The following JPH3 variants were observed in gnomAD, a reference collection of about 807,000 sequenced individuals.
JPH3 encodes junctophilin 3.
Under a neutral mutation model 59.6 loss-of-function variants are expected in JPH3, and 11 were observed. The ratio of observed to expected loss-of-function variants is 0.18; its 90% CI spans 0.12 to 0.31. JPH3 has a LOEUF of 0.31. JPH3 is among the 10% of genes least tolerant of loss of function. JPH3 has a pLI of 1.00. For missense variants in JPH3, 1,202 were observed against 1,105.7 expected (o/e 1.09, Z -1.24); for synonymous variants, 673 against 483.6 (o/e 1.39, Z -5.14).
At chr16:87,695,774 G>A (rs1023944943) in intron 4 of JPH3, 3 of 455,972 alleles carry the variant, frequency 6.6e-6, no homozygotes, top group Non-Finnish European at 1.3e-5. Flanking sequence ...AGGACTGCAA[G>A]AATCACTGCA....
chr16:87,625,602 C>T (rs1005307847), intron 1 of JPH3, among the ~76,000 whole-genome samples: 1 of 152,182 alleles, frequency 6.6e-6, no homozygotes, highest in African/African-American at 2.4e-5. Flanking sequence ...CCACCTGTTG[C>T]CCTATGTCTC....
rs1467601090 is a variant in JPH3, at chr16:87,611,747, G to T, written c.382+8219G>T. Among the ~76,000 whole-genome samples the T allele has an allele frequency of 1.3e-5, 2 of 152,194 alleles. No individual in the cohort carries two copies. Among genetic ancestry groups the T allele is most frequent in the Non-Finnish European group, 2.9e-5 (2 of 68,038 alleles). ...GCCCCACCCCTGAGTCTCTGGGCCT[G>T]GGATGCCACCCAAGAATTTATATTT... On this transcript the variant is annotated intron_variant, in intron 1 of 4. Transcript: ENST00000284262. This position sits in a 1 kb window ranked among gnomAD's most constrained non-coding sequence, Gnocchi z 4.5.
intron 1 of JPH3, among the ~76,000 whole-genome samples, chr16:87,632,628 C>T (rs1157028410): frequency 6.6e-6 from 1 of 152,198 alleles, no homozygotes; most frequent in Non-Finnish European, 1.5e-5. Flanking sequence ...TGCAGCGACT[C>T]ACGCCTCTAA....
intron 1 of JPH3, among the ~76,000 whole-genome samples, chr16:87,642,661 G>A (rs1003753440): frequency 9.9e-5 from 15 of 152,218 alleles, no homozygotes; most frequent in African/African-American, 3.1e-4. Context: ...GTTAGTGCCC[G>A]GCTGCAGGGA....
At chr16:87,632,032 A>C (rs1246596014) in intron 1 of JPH3, among the ~76,000 whole-genome samples, 1 of 151,974 alleles carries the variant, frequency 6.6e-6, no homozygotes, top group Non-Finnish European at 1.5e-5. Flanking sequence ...GTCCCTGCCA[A>C]GGCTTCTCCT....
At chr16:87,650,915 C>T (rs371607029) in intron 2 of JPH3, among the ~76,000 whole-genome samples, 1 of 152,206 alleles carries the variant, frequency 6.6e-6, no homozygotes, top group Non-Finnish European at 1.5e-5. Flanking sequence ...GGTGGCTACA[C>T]TAAACAGATT....
chr16:87,625,772 G>T (rs889722351), intron 1 of JPH3, among the ~76,000 whole-genome samples: 5 of 152,340 alleles, frequency 3.3e-5, no homozygotes, highest in African/African-American at 1.2e-4. Flanking sequence ...AGGAGACCCG[G>T]GGTTTACTGC....
chr16:87,693,235 G>A (rs914578096), intron 4 of JPH3, among the ~76,000 whole-genome samples: 1 of 152,188 alleles, frequency 6.6e-6, no homozygotes, highest in Non-Finnish European at 1.5e-5. Flanking sequence ...GAGGGTGTGG[G>A]CCTGGTGCTG....
chr16:87,663,098 T>G (rs1386966927), intron 2 of JPH3, among the ~76,000 whole-genome samples: 1 of 150,458 alleles, frequency 6.6e-6, no homozygotes, highest in Non-Finnish European at 1.5e-5. Context: ...TTGTATTGTT[T>G]CAAGGTTAAT....
At chr16:87,656,009 A>G (rs12596355) in intron 2 of JPH3, among the ~76,000 whole-genome samples, 30,275 of 152,234 alleles carry the variant, frequency 0.2, 3,295 homozygotes, top group East Asian at 0.31. Context: ...GCTGCGTGGC[A>G]GTGGAGCCTC....
At chr16:87,646,924 A>G (rs546792490) in intron 2 of JPH3, among the ~76,000 whole-genome samples, 26 of 152,288 alleles carry the variant, frequency 1.7e-4, no homozygotes, top group African/African-American at 6.3e-4. Context: ...GATAGTTTTC[A>G]GACGAATTCC....
intron 1 of JPH3, chr16:87,604,775 G>A (rs2030451330): frequency 1.6e-6 from 1 of 641,390 alleles, no homozygotes. Context: ...AGCAGGGTTC[G>A]TTATTACCCG....
chr16:87,663,028 G>A (rs1382340565), intron 2 of JPH3, among the ~76,000 whole-genome samples: 2 of 152,178 alleles, frequency 1.3e-5, no homozygotes, highest in East Asian at 1.9e-4. Context: ...CCATAAAAAC[G>A]CCATGTTGGG....
intron 1 of JPH3, among the ~76,000 whole-genome samples, chr16:87,615,529 T>G (rs1279672650): frequency 6.6e-6 from 1 of 152,146 alleles, no homozygotes; most frequent in African/African-American, 2.4e-5. Flanking sequence ...CGTCTCCTTG[T>G]GGGGAAAGCA....
At chr16:87,679,656 G>A (rs929958584) in intron 2 of JPH3, among the ~76,000 whole-genome samples, 1 of 152,220 alleles carries the variant, frequency 6.6e-6, no homozygotes, top group Non-Finnish European at 1.5e-5. Flanking sequence ...GGGCTGGGTC[G>A]TGCCGGCTCT....
At chr16:87,619,080 T>A in intron 1 of JPH3, among the ~76,000 whole-genome samples, 1 of 92,158 alleles carries the variant, frequency 1.1e-5, no homozygotes, top group Non-Finnish European at 2.1e-5. Flanking sequence ...AGAGTAAGAC[T>A]CTGTCTCAAA....
chr16:87,688,509 A>T, intron 3 of JPH3, among the ~76,000 whole-genome samples: 1 of 136,580 alleles, frequency 7.3e-6, no homozygotes, highest in Admixed American at 6.8e-5. Flanking sequence ...TCTCCTGCCA[A>T]AAGGTCAGAC....
chr16:87,691,610 C>T (rs1346438730), intron 4 of JPH3, among the ~76,000 whole-genome samples: 2 of 152,112 alleles, frequency 1.3e-5, no homozygotes, highest in Admixed American at 6.5e-5. Context: ...CCAGCCCCAC[C>T]CCCAGAGGGG....
rs2142862454 is a variant in JPH3, at chr16:87,697,750, A to T, written c.*1090A>T. Reference sequence around the variant, plus strand: ...CCAGTGGCTTGAAACTTCCTGAGAAACTGTAGCATATCCAGCCCCCTAAAA... The same window carrying T: ...CCAGTGGCTTGAAACTTCCTGAGAATCTGTAGCATATCCAGCCCCCTAAAA... On this transcript the variant is annotated 3_prime_UTR_variant, in exon 5 of 5. Coordinates refer to ENST00000284262, the MANE Select transcript of JPH3 (RefSeq NM_020655.4). 2 of 152,342 alleles carry T rather than the reference A, an allele frequency of 1.3e-5. No individual in the cohort carries two copies. Among genetic ancestry groups the T allele is most frequent in the Middle Eastern group, 3.4e-3 (1 of 294 alleles). 9.4% of individuals were successfully genotyped at this position (152,342 alleles called of 1,614,324 possible).
Sources: gnomAD v4.1 joint callset for allele counts (sites outside exome capture counted in the v4.1 genomes callset) on GRCh38, gnomAD v4.1.1 for gene constraint, Gnocchi (gnomAD v3.1) non-coding constraint, MANE v1.5 for transcripts, NCBI Gene and HGNC (gene_info 2026-07-23, HGNC 2026-07-21) for gene names.